Variants in SFTPD observed in about 807,000 individuals in gnomAD.
SFTPD encodes pulmonary surfactant-associated protein D.
SFTPD carries 18 observed loss-of-function variants against 34.6 expected under a neutral mutation model. That is an observed-to-expected ratio of 0.52 (90% CI 0.36 to 0.77). The LOEUF is 0.77. Ranked by LOEUF, SFTPD falls within the 30% of genes least tolerant of loss-of-function variation. SFTPD has a pLI of 0.00. For missense variants in SFTPD, 433 were observed against 468.9 expected (o/e 0.92, Z 0.71); for synonymous variants, 155 against 180.9 (o/e 0.86, Z 1.15).
At chr10:79,948,167 G>T (rs76736270) in intron 1 of SFTPD, among the ~76,000 whole-genome samples, 1 of 152,216 alleles carries the variant, frequency 6.6e-6, no homozygotes, top group Non-Finnish European at 1.5e-5. Flanking sequence ...TGCCAGCAGC[G>T]GCTACCTTGT....
intron 2 of SFTPD, among the ~76,000 whole-genome samples, chr10:79,943,349 CA>C (rs1382769282): frequency 2.6e-5 from 4 of 152,172 alleles, no homozygotes; most frequent in African/African-American, 9.6e-5. Context: ...TAGCACTAGG[CA>C]AGATGCAAAT....
chr10:79,959,078 G>T (rs1842756622), intron 1 of SFTPD, among the ~76,000 whole-genome samples: 1 of 151,652 alleles, frequency 6.6e-6, no homozygotes, highest in African/African-American at 2.4e-5. Flanking sequence ...CAGAAATAAA[G>T]ATGTTCTTTG....
rs17882040 is a variant in SFTPD at position 79,939,279 on chromosome 10, C to T, written c.752-1051G>A. 3.2e-3 allele frequency among the ~76,000 whole-genome samples: 482 copies of T among 152,368 alleles called. 5 individuals carry two copies. The highest frequency in any genetic ancestry group is 0.011 in the African/African-American group (459 of 41,598). On this transcript the variant is annotated intron_variant, in intron 7 of 7. Transcript: ENST00000372292. Reference sequence around the variant, plus strand: ...AGGACACTGGAAGCTCCAGAGAAGGCTGTGCCCCTGGCTTTGTTGGGCTGC... The same window carrying T: ...AGGACACTGGAAGCTCCAGAGAAGGTTGTGCCCCTGGCTTTGTTGGGCTGC...
Position 79,946,489 on chromosome 10 carries a change from C to G in SFTPD, c.171G>C (p.Glu57Asp). ...LPGRDGRDGR[E>D]GPRGEKGDPG... ...GGTCCCCCTTCTCGCCCCGAGGGCC[C>G]TCTCTCCCATCCCGTCCATCGCGAC... Residue 57 changes from glutamate to aspartate, a missense_variant, in exon 2 of 8, where the codon GAG (glutamate) becomes GAC (aspartate). Transcript: ENST00000372292. 1 of 1,614,056 alleles carries G rather than the reference C, an allele frequency of 6.2e-7. No individual in the cohort carries two copies. The highest frequency in any genetic ancestry group is 8.5e-7 in the Non-Finnish European group (1 of 1,179,934).
intron 1 of SFTPD, among the ~76,000 whole-genome samples, chr10:79,980,103 T>C (rs1336738351): frequency 6.6e-6 from 1 of 152,186 alleles, no homozygotes; most frequent in Non-Finnish European, 1.5e-5. Flanking sequence ...CCTTGGGCCC[T>C]GAATAAACAT....
At chr10:79,971,659 G>A (rs950602366) in intron 1 of SFTPD, 14 of 152,058 alleles carry the variant, frequency 9.2e-5, no homozygotes, top group Admixed American at 8.5e-4. Context: ...GCTCATAATA[G>A]TCTTTAATGA....
chr10:79,973,585 T>G (rs1842847436), intron 1 of SFTPD, among the ~76,000 whole-genome samples: 1 of 125,188 alleles, frequency 8.0e-6, no homozygotes, highest in South Asian at 2.6e-4. Context: ...GCCACTGCAC[T>G]CCAGCCTAGG....
chr10:79,982,005 C>G, intron 1 of SFTPD: 1 of 294,340 alleles, frequency 3.4e-6, no homozygotes, highest in South Asian at 4.8e-5. Flanking sequence ...CCCACCTCCC[C>G]AGGAAGAGCG....
In SFTPD at chr10:79,942,032, C is replaced by A; in HGVS notation, c.472G>T (p.Ala158Ser). Residue 158 changes from alanine (A) to serine (S), a missense_variant, in exon 5 of 8, where the codon GCA becomes TCA. Ala to Ser is a moderately conservative substitution (Grantham distance 99, BLOSUM62 1). Coordinates refer to ENST00000372292, the MANE Select transcript of SFTPD (RefSeq NM_003019.5). The stretch of plus-strand genomic sequence containing the variant: ...CCCTTAGGGCCTGCGAGGCCTCTTG[C>A]CCCTGCCGAGCCCTGCATGCCTGGG... ...GAPGMQGSAG[A>S]RGLAGPKGER... 2 of 1,613,916 alleles carry A rather than the reference C, an allele frequency of 1.2e-6. No individual in the cohort carries two copies. Among genetic ancestry groups the A allele is most frequent in the South Asian group, 2.2e-5 (2 of 91,086 alleles).
chr10:79,980,963 G>A (rs1198926002), intron 1 of SFTPD, among the ~76,000 whole-genome samples: 2 of 152,160 alleles, frequency 1.3e-5, no homozygotes, highest in Non-Finnish European at 2.9e-5. Flanking sequence ...AGGAGAACAT[G>A]ACCTCACCAA....
chr10:79,946,477 G>T lies in SFTPD; in HGVS notation c.183C>A (p.Gly61=). Residue 61 remains glycine, a synonymous_variant, in exon 2 of 8, where the codon GGC becomes GGA. Transcript: ENST00000372292. ...DGRDGREGPR[G]EKGDPGLPGA... ...CCACCCTACCTGGGTCCCCCTTCTC[G>T]CCCCGAGGGCCCTCTCTCCCATCCC... 1 of 1,613,700 alleles carries T rather than the reference G, an allele frequency of 6.2e-7. No individual in the cohort carries two copies. The highest frequency in any genetic ancestry group is 8.5e-7 in the Non-Finnish European group (1 of 1,179,774).
intron 4 of SFTPD, 151 bp from the exon 5 acceptor site, chr10:79,942,221 T>A: frequency 2.7e-6 from 2 of 746,666 alleles, no homozygotes; most frequent in East Asian, 5.0e-5. Context: ...CTGTGGAGGG[T>A]GAGAGGAAAA....
Position 79,982,138 on chromosome 10 carries a change from C to T in SFTPD, c.36+437G>A, listed in dbSNP as rs549746565. 12 of 355,364 alleles carry T rather than the reference C, an allele frequency of 3.4e-5. No individual in the cohort carries two copies. In the East Asian group the frequency reaches 6.1e-4, roughly 18 times the overall value. The allele number at this position is 355,364 out of a possible 1,614,324, so 22.0% of individuals were successfully genotyped here. On this transcript the variant is annotated intron_variant, in intron 1 of 5. Coordinates refer to the SFTPD transcript ENST00000444384. Reference sequence around the variant, plus strand: ...GCTCGCTCCCGCCCTCCTGGCTCTCCGGGCGCGCCTGGCGGGGCAGGGCGG... The same window carrying T: ...GCTCGCTCCCGCCCTCCTGGCTCTCTGGGCGCGCCTGGCGGGGCAGGGCGG...
chr10:79,974,622 C>G (rs879616201), intron 1 of SFTPD, among the ~76,000 whole-genome samples: 4 of 152,228 alleles, frequency 2.6e-5, no homozygotes, highest in Admixed American at 1.3e-4. Context: ...ACCTCTCCAT[C>G]TATCTCTAAA....
chr10:79,967,789 G>A (rs1842811150), intron 1 of SFTPD, among the ~76,000 whole-genome samples: 2 of 152,122 alleles, frequency 1.3e-5, no homozygotes, highest in Admixed American at 6.5e-5. Context: ...AAAATGGCCT[G>A]TTCCTGCCTT....
chr10:79,952,421 G>C (rs1842715397), upstream of SFTPD, among the ~76,000 whole-genome samples: 1 of 152,156 alleles, frequency 6.6e-6, no homozygotes, highest in Non-Finnish European at 1.5e-5. Flanking sequence ...CCTGCCTACT[G>C]GTGCAGAACC....
intron 3 of SFTPD, 52 bp from the exon 4 acceptor site, chr10:79,942,556 G>T (rs758544064): frequency 1.6e-6 from 2 of 1,245,690 alleles, no homozygotes; most frequent in East Asian, 2.3e-5. Context: ...TTGGCAGGAG[G>T]AGTGTGTAGT....
intron 1 of SFTPD, among the ~76,000 whole-genome samples, chr10:79,960,129 T>C: frequency 6.6e-6 from 1 of 152,094 alleles, no homozygotes. Context: ...AAATTTGGTA[T>C]TGATGGGACA....
intron 1 of SFTPD, chr10:79,982,066 C>G: frequency 3.4e-6 from 1 of 292,214 alleles, no homozygotes; most frequent in Non-Finnish European, 6.3e-6. Flanking sequence ...TGCGGGGGGT[C>G]TCTCTGGGCC....
Sources: gnomAD v4.1 joint callset for allele counts (sites outside exome capture counted in the v4.1 genomes callset) on GRCh38, gnomAD v4.1.1 for gene constraint, MANE v1.5 for transcripts, NCBI Gene and HGNC (gene_info 2026-07-23, HGNC 2026-07-21) for gene names.